EDNRB: variants seen among roughly 807,000 people sequenced by gnomAD.
The protein encoded by EDNRB is endothelin receptor type B.
In EDNRB, 18 loss-of-function variants were observed where a neutral mutation model predicts 46.4. The observed-to-expected ratio is 0.39, with a 90% CI of 0.27 to 0.57. EDNRB has a LOEUF of 0.57. Ranked by LOEUF, EDNRB falls within the 20% of genes least tolerant of loss-of-function variation. The pLI, the probability that EDNRB is intolerant of heterozygous loss-of-function variation, is 0.61. For missense variants in EDNRB, 434 were observed against 537.5 expected (o/e 0.81, Z 1.90); for synonymous variants, 213 against 204.9 (o/e 1.04, Z -0.34).
Position 77,959,264 on chromosome 13 carries a change from C to T in EDNRB, c.-52+16083G>A, listed in dbSNP as rs564599757. Reference sequence around the variant, plus strand: ...CCTCCTCAAGCGGGTCCCTGACCCCCGAGTAACCTAATGGGGAGGCACCCC... The same window carrying T: ...CCTCCTCAAGCGGGTCCCTGACCCCTGAGTAACCTAATGGGGAGGCACCCC... On this transcript the variant is annotated intron_variant, in intron 1 of 7. Transcript: ENST00000646948. Among the ~76,000 whole-genome samples the T allele has an allele frequency of 5.9e-5, 9 of 152,250 alleles. No homozygotes were observed. The East Asian group carries it at 7.7e-4, about 13-fold the overall frequency.
rs186620070 is a variant in EDNRB, at chr13:77,903,225, C to T, written c.732G>A (p.Thr244=). 1.4e-4 allele frequency: 219 copies of T among 1,613,002 alleles called. No individual in the cohort carries two copies. Among genetic ancestry groups the T allele is most frequent in the Admixed American group, 7.7e-4 (46 of 59,886 alleles). Residue 244 remains threonine, a synonymous_variant, in exon 3 of 7, where the codon ACG becomes ACA. Coordinates refer to ENST00000646607, the MANE Select transcript of EDNRB (RefSeq NM_001122659.3). ...VPEAIGFDII[T]MDYKGSYLRI... ...GCAGATAACTTCCTTTGTAGTCCAT[C>T]GTAATTATATCAAAACCTATGGCTT... is the stretch of plus-strand genomic sequence containing the variant.
At chr13:77,910,688 T>C (rs2137627117) in intron 1 of EDNRB, among the ~76,000 whole-genome samples, 1 of 152,094 alleles carries the variant, frequency 6.6e-6, no homozygotes, top group Admixed American at 6.6e-5. Flanking sequence ...TCAGAAATAA[T>C]GTTAGCTTAT....
chr13:77,935,100 G>A (rs542670890), intron 1 of EDNRB, among the ~76,000 whole-genome samples: 244 of 152,100 alleles, frequency 1.6e-3, no homozygotes, highest in Non-Finnish European at 1.8e-3. Context: ...TGTGTCAGGT[G>A]TGAGGAAGAA....
At chr13:77,950,169 T>C (rs537184402) in intron 1 of EDNRB, among the ~76,000 whole-genome samples, 56 of 152,334 alleles carry the variant, frequency 3.7e-4, no homozygotes, top group African/African-American at 1.2e-3. Context: ...CTCAAACTTA[T>C]CTATGAATTT....
At chr13:77,973,322 C>T (rs1409009147) in intron 1 of EDNRB, among the ~76,000 whole-genome samples, 1 of 152,028 alleles carries the variant, frequency 6.6e-6, no homozygotes, top group Non-Finnish European at 1.5e-5. Flanking sequence ...TAATGTTAAA[C>T]CTAATTTTAA....
rs1881570115 is a variant in EDNRB at position 77,966,015 on chromosome 13, T to C, written c.-52+9332A>G. 4.6e-5 allele frequency among the ~76,000 whole-genome samples: 7 copies of C among 152,160 alleles called. No homozygotes were observed. In the South Asian group the frequency reaches 1.5e-3, roughly 32 times the overall value. The stretch of plus-strand genomic sequence containing the variant: ...CCTCAGCCCCTCAGGTAGCTAAGAC[T>C]GCAGGTGTGTGTCACCATGCCCAGT... On this transcript the variant is annotated intron_variant, in intron 1 of 7. Coordinates refer to the EDNRB transcript ENST00000646948.
At chr13:77,913,772 T>C (rs1028223116) in intron 1 of EDNRB, among the ~76,000 whole-genome samples, 1 of 152,184 alleles carries the variant, frequency 6.6e-6, no homozygotes, top group Non-Finnish European at 1.5e-5. Flanking sequence ...TCCCCAAGTA[T>C]ACCCGGCTGT....
intron 6 of EDNRB, 74 bp downstream of exon 6, chr13:77,899,785 A>C (rs571154036): frequency 9.2e-7 from 1 of 1,083,154 alleles, no homozygotes. Flanking sequence ...GTCTGGATAG[A>C]TATATTAGCA....
At chr13:77,907,224 C>T (rs1052920369) in intron 1 of EDNRB, among the ~76,000 whole-genome samples, 9 of 151,918 alleles carry the variant, frequency 5.9e-5, no homozygotes, top group African/African-American at 2.2e-4. Context: ...TTTGTGGACT[C>T]AGAACAGCAG....
chr13:77,960,610 T>C (rs561741068), intron 1 of EDNRB, among the ~76,000 whole-genome samples: 2 of 152,256 alleles, frequency 1.3e-5, no homozygotes, highest in South Asian at 4.1e-4. Context: ...CCATCGATGC[T>C]AGGAAGAAAC....
At chr13:77,932,995 T>C (rs1159600140) in intron 1 of EDNRB, among the ~76,000 whole-genome samples, 2 of 152,198 alleles carry the variant, frequency 1.3e-5, no homozygotes, top group Non-Finnish European at 2.9e-5. Context: ...TTGCCAAGCA[T>C]TAAAATATGC....
chr13:77,972,361 GTCTTAA>G (rs961279489), intron 1 of EDNRB, among the ~76,000 whole-genome samples: 1 of 152,180 alleles, frequency 6.6e-6, no homozygotes, highest in Non-Finnish European at 1.5e-5. Flanking sequence ...TTGGTATCCT[GTCTTAA>G]TTGCTAAAGT....
intron 1 of EDNRB, among the ~76,000 whole-genome samples, chr13:77,904,315 C>T (rs995653945): frequency 6.6e-6 from 1 of 152,002 alleles, no homozygotes; most frequent in Non-Finnish European, 1.5e-5. Flanking sequence ...ACCGGTCAGA[C>T]ATCCCTATCT....
chr13:77,923,821 A>G (rs1428769282), upstream of EDNRB, among the ~76,000 whole-genome samples: 3 of 151,806 alleles, frequency 2.0e-5, no homozygotes, highest in Non-Finnish European at 4.4e-5. Flanking sequence ...TTTGTAGTAC[A>G]GAATAGAATG....
Position 77,897,610 on chromosome 13 carries a change from C to G in EDNRB, c.*590G>C, listed in dbSNP as rs199879908. ...AAAGTGTAATGATTTTCAAAAACAG[C>G]CTTGCTCTTTCTGTTACTCCCTCCT... On this transcript the variant is annotated 3_prime_UTR_variant, in exon 7 of 7. Transcript: ENST00000646607. 1.4e-5 allele frequency: 14 copies of G among 985,574 alleles called. No homozygotes were observed. Among genetic ancestry groups the G allele is most frequent in the Middle Eastern group, 5.2e-4 (1 of 1,914 alleles). The allele number at this position is 985,574 out of a possible 1,614,324, so 61.1% of individuals were successfully genotyped here.
intron 1 of EDNRB, among the ~76,000 whole-genome samples, chr13:77,962,260 AT>A (rs1434574873): frequency 1.3e-5 from 2 of 152,130 alleles, no homozygotes; most frequent in African/African-American, 2.4e-5. Flanking sequence ...AAAAGACGGA[AT>A]CCCCCCTAAC....
At chr13:77,973,406 C>A (rs1031260500) in intron 1 of EDNRB, among the ~76,000 whole-genome samples, 1 of 151,982 alleles carries the variant, frequency 6.6e-6, no homozygotes, top group African/African-American at 2.4e-5. Flanking sequence ...CTCTTTTTAA[C>A]ATTTTATAAT....
chr13:77,940,974 T>A (rs1399669533), intron 1 of EDNRB, among the ~76,000 whole-genome samples: 1 of 152,202 alleles, frequency 6.6e-6, no homozygotes, highest in Non-Finnish European at 1.5e-5. Context: ...AAGACAGGAA[T>A]CCTAGAAATT....
upstream of EDNRB, among the ~76,000 whole-genome samples, chr13:77,924,034 G>T (rs1880162372): frequency 6.6e-6 from 1 of 152,090 alleles, no homozygotes; most frequent in African/African-American, 2.4e-5. Context: ...TTAATTGTAG[G>T]GGAATAGAAC....
Sources: allele counts gnomAD v4.1 joint callset (sites outside exome capture counted in the v4.1 genomes callset), GRCh38; gene constraint gnomAD v4.1.1; transcripts MANE v1.5; gene names NCBI Gene and HGNC (gene_info 2026-07-23, HGNC 2026-07-21).